Variants in KIF6 observed in about 807,000 individuals in gnomAD.
The protein encoded by KIF6 is kinesin-like protein KIF6.
In KIF6, 106 loss-of-function variants were observed where a neutral mutation model predicts 112.7. The ratio of observed to expected loss-of-function variants is 0.94; its 90% CI spans 0.80 to 1.11. The LOEUF is 1.11. Ranked by LOEUF, KIF6 falls within the 50% of genes least tolerant of loss-of-function variation. The pLI, the probability that KIF6 is intolerant of heterozygous loss-of-function variation, is 0.00. For synonymous variants in KIF6, 339 were observed against 339.9 expected (o/e 1.00, Z 0.03); for missense variants, 929 against 964.0 (o/e 0.96, Z 0.48).
At chr6:39,407,406 A>G (rs1291271657) in intron 15 of KIF6, among the ~76,000 whole-genome samples, 1 of 152,100 alleles carries the variant, frequency 6.6e-6, no homozygotes, top group African/African-American at 2.4e-5. Flanking sequence ...TACATTACCC[A>G]TTTCTGTAGT....
At chr6:39,498,643 A>G (rs1775930339) in intron 13 of KIF6, among the ~76,000 whole-genome samples, 2 of 152,184 alleles carry the variant, frequency 1.3e-5, no homozygotes. Flanking sequence ...CTGTGTTCCA[A>G]TAAAACTTTA....
At chr6:39,516,815 T>G (rs948588180) in intron 13 of KIF6, among the ~76,000 whole-genome samples, 7 of 152,186 alleles carry the variant, frequency 4.6e-5, no homozygotes, top group African/African-American at 1.4e-4. Context: ...AATGATACAA[T>G]GCCTAGATTA....
intron 2 of KIF6, among the ~76,000 whole-genome samples, chr6:39,720,231 G>C (rs1246571535): frequency 6.6e-6 from 1 of 152,084 alleles, no homozygotes; most frequent in East Asian, 1.9e-4. Flanking sequence ...CATACTTCAA[G>C]TGTTCAAGAA....
At chr6:39,459,967 G>C (rs1200531766) in intron 13 of KIF6, among the ~76,000 whole-genome samples, 12 of 119,196 alleles carry the variant, frequency 1.0e-4, no homozygotes, top group Admixed American at 1.8e-4. Flanking sequence ...TCAGTGTGGC[G>C]ATTCCTCAGG....
chr6:39,368,588 C>A (rs1765743959), intron 16 of KIF6, among the ~76,000 whole-genome samples: 1 of 152,194 alleles, frequency 6.6e-6, no homozygotes, highest in Admixed American at 6.5e-5. Context: ...TTAGTGTCTT[C>A]CCCTGGTGCT....
At chr6:39,414,858 G>C (rs1769785995) in intron 15 of KIF6, among the ~76,000 whole-genome samples, 1 of 151,840 alleles carries the variant, frequency 6.6e-6, no homozygotes, top group Non-Finnish European at 1.5e-5. Context: ...TTCTAGTCTG[G>C]CCACTTACAA....
At position 39,625,601 on chromosome 6, in the gene KIF6, A is replaced by G. The variant is rs865775233; in HGVS notation, c.509+9248T>C. Among the ~76,000 whole-genome samples the G allele has an allele frequency of 1.5e-4, 23 of 152,302 alleles. No individual in the cohort carries two copies. In the South Asian group the frequency reaches 3.9e-3, roughly 26 times the overall value. ...GACTGGAGTTAGCTTTAACTTTGAGATCTATGCTTATAGGCCTAGGAGTCC... is the reference window on the plus strand; with the variant it reads ...GACTGGAGTTAGCTTTAACTTTGAGGTCTATGCTTATAGGCCTAGGAGTCC... On this transcript the variant is annotated intron_variant, in intron 5 of 22. Transcript: ENST00000287152.
chr6:39,444,568 T>C (rs1235133927), intron 13 of KIF6, among the ~76,000 whole-genome samples: 1 of 152,182 alleles, frequency 6.6e-6, no homozygotes, highest in East Asian at 1.9e-4. Context: ...ATATCATGTA[T>C]ACAATACAGT....
chr6:39,337,205 TTC>T (rs1168579615), intron 22 of KIF6, among the ~76,000 whole-genome samples: 3,275 of 114,604 alleles, frequency 0.029, 331 homozygotes, highest in African/African-American at 0.14. Flanking sequence ...CTTTCTTTCT[TTC>T]TTTCTTTCTT....
At chr6:39,703,502 T>C (rs953415669) in intron 3 of KIF6, among the ~76,000 whole-genome samples, 2 of 152,146 alleles carry the variant, frequency 1.3e-5, no homozygotes, top group African/African-American at 2.4e-5. Context: ...TGCTCTTATA[T>C]TGGCAAAGCT....
At chr6:39,615,694 AT>A (rs1321495782) in intron 5 of KIF6, among the ~76,000 whole-genome samples, 1 of 152,040 alleles carries the variant, frequency 6.6e-6, no homozygotes, top group Admixed American at 6.6e-5. Flanking sequence ...GAGGTTTCTG[AT>A]TTTTTATCTT....
chr6:39,512,056 C>A (rs1157093700), intron 13 of KIF6, among the ~76,000 whole-genome samples: 1 of 152,114 alleles, frequency 6.6e-6, no homozygotes, highest in Non-Finnish European at 1.5e-5. Context: ...AACAAACCTG[C>A]ACGTTGTGCA....
At chr6:39,718,950 T>C (rs1170952134) in intron 2 of KIF6, among the ~76,000 whole-genome samples, 1 of 151,950 alleles carries the variant, frequency 6.6e-6, no homozygotes, top group Non-Finnish European at 1.5e-5. Context: ...ATATTATATA[T>C]GAAAGACAAA....
chr6:39,546,380 T>C (rs1456562279), intron 10 of KIF6, among the ~76,000 whole-genome samples: 4 of 152,164 alleles, frequency 2.6e-5, no homozygotes, highest in Non-Finnish European at 4.4e-5. Context: ...TCTAGTTAAT[T>C]ACCTCTTTTC....
intron 13 of KIF6, among the ~76,000 whole-genome samples, chr6:39,435,833 G>C (rs1463604260): frequency 2.0e-5 from 3 of 152,124 alleles, no homozygotes; most frequent in Non-Finnish European, 4.4e-5. Context: ...TATGCATCCA[G>C]GTGTCTTTTT....
chr6:39,477,412 T>G (rs1231512671), intron 13 of KIF6, among the ~76,000 whole-genome samples: 2 of 152,182 alleles, frequency 1.3e-5, no homozygotes, highest in Non-Finnish European at 2.9e-5. Flanking sequence ...AAGGGCAAGT[T>G]ATGTGTTGCA....
intron 15 of KIF6, among the ~76,000 whole-genome samples, chr6:39,411,762 C>A (rs1001400181): frequency 6.6e-6 from 1 of 152,216 alleles, no homozygotes; most frequent in African/African-American, 2.4e-5. Flanking sequence ...ACCATGGGAA[C>A]CTATCTCTCC....
At chr6:39,393,098 G>A (rs551835990) in intron 15 of KIF6, among the ~76,000 whole-genome samples, 16 of 152,306 alleles carry the variant, frequency 1.1e-4, no homozygotes, top group Non-Finnish European at 1.9e-4. Flanking sequence ...CACAGGTGCC[G>A]GGAGATAGTG....
rs554851306 is a variant in KIF6 at position 39,561,967 on chromosome 6, C to T, written c.1181+16089G>A. ...GATACTGACCGAAACAAGAAGTCTC[C>T]TATGTATCTGCTATTCTTCTTTGGC... On this transcript the variant is annotated intron_variant, in intron 10 of 22. Transcript: ENST00000287152. Among the ~76,000 whole-genome samples, 23 of 152,326 alleles carry T rather than the reference C, an allele frequency of 1.5e-4. No individual in the cohort carries two copies. In the South Asian group the frequency reaches 4.4e-3, roughly 29 times the overall value.
Sources: allele counts gnomAD v4.1 joint callset (sites outside exome capture counted in the v4.1 genomes callset), GRCh38; gene constraint gnomAD v4.1.1; transcripts MANE v1.5; gene names NCBI Gene and HGNC (gene_info 2026-07-23, HGNC 2026-07-21).